Variants in EVC observed in about 807,000 individuals in gnomAD.
EVC encodes the protein EvC ciliary complex subunit 1.
In EVC, 116 loss-of-function variants were observed where a neutral mutation model predicts 118.9. The observed-to-expected ratio is 0.98, with a 90% CI of 0.84 to 1.14. EVC has a LOEUF of 1.14. Ranked by LOEUF, EVC falls within the 50% of genes most tolerant of loss-of-function variation. The pLI is 0.00. For missense variants in EVC, 1,401 were observed against 1,246.4 expected, an observed-to-expected ratio of 1.12 and a Z score of -1.87; for synonymous variants, 619 against 534.7, an observed-to-expected ratio of 1.16 and a Z score of -2.18.
At chr4:5,805,476 A>T (rs2152377680) in intron 17 of EVC, among the ~76,000 whole-genome samples, 1 of 152,262 alleles carries the variant, frequency 6.6e-6, no homozygotes, top group South Asian at 2.1e-4. Context: ...GTTTGCACAG[A>T]CCGAACTTGC....
At chr4:5,748,759 CTCAT>C (rs1729868598) in intron 8 of EVC, among the ~76,000 whole-genome samples, 1 of 97,132 alleles carries the variant, frequency 1.0e-5, no homozygotes, top group South Asian at 4.6e-4. Flanking sequence ...CATCCATTTA[CTCAT>C]CCATCCATCC....
At chr4:5,828,008 G>A in the EVC span, 4 of 982,046 alleles carry the variant, frequency 4.1e-6, no homozygotes, top group Non-Finnish European at 4.8e-6. Flanking sequence ...AGGGAGGAAG[G>A]AAAGGAAGAA....
intron 8 of EVC, among the ~76,000 whole-genome samples, chr4:5,748,535 C>CGTGT (rs1261006421): frequency 7.6e-6 from 1 of 132,362 alleles, no homozygotes; most frequent in East Asian, 2.4e-4. Flanking sequence ...CATCCATCTA[C>CGTGT]CCATCCATCC....
chr4:5,779,761 T>C, intron 11 of EVC, among the ~76,000 whole-genome samples: 1 of 136,524 alleles, frequency 7.3e-6, no homozygotes, highest in African/African-American at 2.9e-5. Flanking sequence ...TGGGGTTTTC[T>C]AGATATACAA....
Position 5,731,481 on chromosome 4 carries a change from T to G in EVC, c.441T>G (p.Val147=), listed in dbSNP as rs1192506036. Residue 147 remains valine (V), a synonymous_variant, in exon 4 of 21, where the codon GTT becomes GTG. Transcript: ENST00000264956. This position sits in a 1 kb window ranked among gnomAD's most constrained non-coding sequence, Gnocchi z 5.6. ...PSLHENLKQA[V]LPHQPVEASP... ...TGCATGAAAACTTAAAGCAGGCTGT[T>G]TTGCCACACCAGCCGGTAGAGGCCT... is the stretch of plus-strand genomic sequence containing the variant. 4.3e-6 allele frequency: 7 copies of G among 1,613,432 alleles called. No homozygotes were observed. Among genetic ancestry groups the G allele is most frequent in the Non-Finnish European group, 5.9e-6 (7 of 1,179,908 alleles).
chr4:5,796,666 G>GT (rs895025299), intron 13 of EVC, among the ~76,000 whole-genome samples: 7 of 151,840 alleles, frequency 4.6e-5, no homozygotes, highest in South Asian at 2.1e-4. Flanking sequence ...GGCAGGCTGA[G>GT]TTTTTTTACA....
intron 11 of EVC, among the ~76,000 whole-genome samples, chr4:5,770,247 GC>G (rs1474768103): frequency 1.3e-5 from 2 of 152,076 alleles, no homozygotes; most frequent in African/African-American, 2.4e-5. Context: ...CTGACCCTCC[GC>G]CCCCACAGCT....
At chr4:5,771,105 A>C (rs1355187244) in intron 11 of EVC, among the ~76,000 whole-genome samples, 1 of 152,182 alleles carries the variant, frequency 6.6e-6, no homozygotes. Flanking sequence ...TATAGCCACT[A>C]TAACTAATGA....
intron 11 of EVC, among the ~76,000 whole-genome samples, chr4:5,767,516 G>C (rs906544528): frequency 6.6e-6 from 1 of 151,188 alleles, no homozygotes; most frequent in Non-Finnish European, 1.5e-5. Context: ...CCACCTTGCA[G>C]TTTGATCTCA....
At chr4:5,717,579 C>G (rs1463579842) in intron 1 of EVC, among the ~76,000 whole-genome samples, 1 of 152,172 alleles carries the variant, frequency 6.6e-6, no homozygotes, top group African/African-American at 2.4e-5. Flanking sequence ...GGTTGGTAAA[C>G]AACCCCCCAA....
At chr4:5,794,406 A>ATT (rs763765119) in intron 13 of EVC, among the ~76,000 whole-genome samples, 1 of 107,336 alleles carries the variant, frequency 9.3e-6, no homozygotes, top group East Asian at 3.5e-4. Flanking sequence ...ATATATATAT[A>ATT]TTTTTTTTCT....
chr4:5,750,690 TA>T (rs1412596845), intron 8 of EVC, among the ~76,000 whole-genome samples: 1 of 152,210 alleles, frequency 6.6e-6, no homozygotes, highest in African/African-American at 2.4e-5. Context: ...GTAAAGTTTT[TA>T]GAGCAGAGCC....
At chr4:5,769,523 A>T (rs1224604196) in intron 11 of EVC, among the ~76,000 whole-genome samples, 2 of 152,094 alleles carry the variant, frequency 1.3e-5, no homozygotes, top group Non-Finnish European at 2.9e-5. Context: ...TTCACTTGGG[A>T]TGGATGCTGT....
intron 4 of EVC, among the ~76,000 whole-genome samples, chr4:5,732,578 A>G (rs1279240124): frequency 6.6e-6 from 1 of 152,244 alleles, no homozygotes; most frequent in East Asian, 1.9e-4. Flanking sequence ...TCTGCCATGT[A>G]TCTGCCCCCG....
At chr4:5,795,385 C>T (rs1456950863) in intron 13 of EVC, among the ~76,000 whole-genome samples, 2 of 152,146 alleles carry the variant, frequency 1.3e-5, no homozygotes, top group African/African-American at 4.8e-5. Context: ...GGTGTGGTGG[C>T]TTACATCTGT....
intron 11 of EVC, among the ~76,000 whole-genome samples, chr4:5,780,507 A>G (rs988985236): frequency 1.3e-5 from 2 of 152,190 alleles, no homozygotes; most frequent in African/African-American, 4.8e-5. Flanking sequence ...GAACTGTTAT[A>G]TAGATTGAGT....
chr4:5,721,812 A>G (rs1304384202), intron 2 of EVC, among the ~76,000 whole-genome samples: 1 of 152,192 alleles, frequency 6.6e-6, no homozygotes, highest in African/African-American at 2.4e-5. Context: ...GGTTGCCATG[A>G]GCTGAGATTG....
chr4:5,822,814 A>G, the EVC span, among the ~76,000 whole-genome samples: 1 of 152,174 alleles, frequency 6.6e-6, no homozygotes, highest in African/African-American at 2.4e-5. Flanking sequence ...TTATCACCAG[A>G]TCCTCAGCTA....
chr4:5,771,621 G>T (rs564857288), intron 11 of EVC, among the ~76,000 whole-genome samples: 9 of 152,258 alleles, frequency 5.9e-5, no homozygotes, highest in African/African-American at 2.2e-4. Context: ...GTTTATTGAA[G>T]GCCATGAAAA....
Sources: allele counts gnomAD v4.1 joint callset (sites outside exome capture counted in the v4.1 genomes callset), GRCh38; gene constraint gnomAD v4.1.1; non-coding constraint Gnocchi (gnomAD v3.1); transcripts MANE v1.5; gene names NCBI Gene and HGNC (gene_info 2026-07-23, HGNC 2026-07-21).